The following LGR6 variants were observed in gnomAD, a reference collection of about 807,000 sequenced individuals.
LGR6 encodes the protein leucine-rich repeat-containing G protein-coupled receptor 6.
In LGR6, 45 loss-of-function variants were observed where a neutral mutation model predicts 69.4. The ratio of observed to expected loss-of-function variants is 0.65; its 90% CI spans 0.51 to 0.83. The LOEUF is 0.83. Among genes scored for constraint, LGR6 ranks in the 40% least tolerant of loss-of-function variants. The pLI is 0.00. For synonymous variants in LGR6, 538 were observed against 555.0 expected, an observed-to-expected ratio of 0.97 and a Z score of 0.43; for missense variants, 1,108 against 1,246.7, an observed-to-expected ratio of 0.89 and a Z score of 1.68.
chr1:202,249,805 A>C (rs1367588411), intron 4 of LGR6, among the ~76,000 whole-genome samples: 2 of 151,904 alleles, frequency 1.3e-5, no homozygotes, highest in East Asian at 3.9e-4. Context: ...CGCCATCATC[A>C]CTTGCCTGGG....
intron 12 of LGR6, 57 bp from the exon 13 acceptor site, chr1:202,306,811 T>G (rs774506844): frequency 2.0e-6 from 3 of 1,500,128 alleles, no homozygotes; most frequent in East Asian, 2.3e-5. Context: ...TCGGGGGGCA[T>G]GGAGCGGAGC....
In LGR6 at chr1:202,198,749, G is replaced by A. The variant is rs557785950; in HGVS notation, c.212+4548G>A. On this transcript the variant is annotated intron_variant, in intron 1 of 17. Transcript: ENST00000367278. Reference sequence around the variant, plus strand: ...GGGAGGGGAGCACCTGATGGAAGACGCCAGCATGCTCCCTTACATGGTCTA... The same window carrying A: ...GGGAGGGGAGCACCTGATGGAAGACACCAGCATGCTCCCTTACATGGTCTA... Among the ~76,000 whole-genome samples, 5 of 148,914 alleles carry A rather than the reference G, an allele frequency of 3.4e-5. No individual in the cohort carries two copies. In the East Asian group the frequency reaches 7.9e-4, roughly 24 times the overall value.
intron 15 of LGR6, among the ~76,000 whole-genome samples, chr1:202,309,735 G>A (rs1653562190): frequency 6.6e-6 from 1 of 152,226 alleles, no homozygotes; most frequent in Non-Finnish European, 1.5e-5. Flanking sequence ...GCTCCAATAT[G>A]CCCAGAGGTG....
intron 6 of LGR6, among the ~76,000 whole-genome samples, chr1:202,290,405 T>C (rs1197052897): frequency 2.0e-5 from 3 of 152,212 alleles, no homozygotes; most frequent in African/African-American, 7.2e-5. Context: ...CCATTTATCC[T>C]CTCTCCCTAA....
At chr1:202,231,842 C>T (rs1046936114) in intron 3 of LGR6, among the ~76,000 whole-genome samples, 1 of 152,094 alleles carries the variant, frequency 6.6e-6, no homozygotes, top group Non-Finnish European at 1.5e-5. Context: ...CCTGTAATCC[C>T]AGCACTCTGG....
chr1:202,205,669 A>G (rs1659182328), intron 1 of LGR6, among the ~76,000 whole-genome samples: 1 of 137,936 alleles, frequency 7.2e-6, no homozygotes, highest in Non-Finnish European at 1.5e-5. Flanking sequence ...CACCTCCCTC[A>G]AACATACACA....
At chr1:202,234,399 T>A (rs1661346644) in intron 3 of LGR6, among the ~76,000 whole-genome samples, 1 of 152,172 alleles carries the variant, frequency 6.6e-6, no homozygotes, top group Non-Finnish European at 1.5e-5. Context: ...TGAGGTTGGG[T>A]TCATATTTGA....
chr1:202,240,862 A>G (rs546261267), intron 4 of LGR6, among the ~76,000 whole-genome samples: 2 of 152,262 alleles, frequency 1.3e-5, no homozygotes, highest in East Asian at 3.9e-4. Context: ...CCAAGGGACT[A>G]TTGTGCCCCC....
At chr1:202,275,881 A>T (rs1665505483) in intron 4 of LGR6, among the ~76,000 whole-genome samples, 1 of 152,112 alleles carries the variant, frequency 6.6e-6, no homozygotes, top group Non-Finnish European at 1.5e-5. Context: ...GAAGCCCGGG[A>T]GTATGGATGT....
chr1:202,270,395 A>T (rs1664995832), intron 4 of LGR6, among the ~76,000 whole-genome samples: 1 of 152,114 alleles, frequency 6.6e-6, no homozygotes, highest in Non-Finnish European at 1.5e-5. Context: ...GGCGTGTGCC[A>T]CCACGCCCGT....
intron 1 of LGR6, among the ~76,000 whole-genome samples, chr1:202,209,901 A>G (rs1213308144): frequency 1.3e-5 from 2 of 152,180 alleles, no homozygotes; most frequent in African/African-American, 2.4e-5. Context: ...TCTCTACTCC[A>G]TCTCCTACAG....
At chr1:202,297,357 C>T (rs1667235796) in intron 6 of LGR6, 151 bp from the exon 7 acceptor site, 1 of 651,584 alleles carries the variant, frequency 1.5e-6, no homozygotes, top group African/African-American at 1.8e-5. Flanking sequence ...ATGAACATTC[C>T]AAAATGTGTT....
At position 202,194,197 on chromosome 1, in the gene LGR6, T is replaced by C; in HGVS notation, c.208T>C (p.Tyr70His). ...GGGGGACCTGGACCCCCTGACGGCT[T>C]ACCTGTGAGTACTGCCCGCCTGTCC... ...VPGDLDPLTA[Y>H]LDLSMNNLTE... Residue 70 changes from tyrosine to histidine, a missense_variant, in exon 1 of 18, where the codon TAC becomes CAC. Transcript: ENST00000367278. The C allele has an allele frequency of 6.4e-7, 1 of 1,552,662 alleles. No individual in the cohort carries two copies. The highest frequency in any genetic ancestry group is 8.6e-7 in the Non-Finnish European group (1 of 1,157,452).
chr1:202,204,232 C>T (rs200013984), intron 1 of LGR6, among the ~76,000 whole-genome samples: 2 of 142,676 alleles, frequency 1.4e-5, no homozygotes, highest in African/African-American at 5.2e-5. Flanking sequence ...CACACCTCCA[C>T]ACACACACAC....
rs1571797518 is a variant in LGR6, at chr1:202,194,444, G to A, written c.212+243G>A. On this transcript the variant is annotated intron_variant, in intron 1 of 17. Transcript: ENST00000367278. ...CTTCCCCATTGGCCTCCGTGCTTGTGGGCTGACTATGGGAGCCCAGGCTTG... is the reference window on the plus strand; with the variant it reads ...CTTCCCCATTGGCCTCCGTGCTTGTAGGCTGACTATGGGAGCCCAGGCTTG... 12 of 604,892 alleles carry A rather than the reference G, an allele frequency of 2.0e-5. No homozygotes were observed. In the East Asian group the frequency reaches 3.7e-4, roughly 19 times the overall value. The allele number at this position is 604,892 out of a possible 1,614,324, so 37.5% of individuals were successfully genotyped here.
chr1:202,257,693 A>G (rs140518730), intron 4 of LGR6, among the ~76,000 whole-genome samples: 2 of 152,126 alleles, frequency 1.3e-5, no homozygotes, highest in South Asian at 4.1e-4. Flanking sequence ...TATCCTTACC[A>G]TATAGGGCTA....
chr1:202,284,062 C>T (rs1453622972), intron 6 of LGR6, among the ~76,000 whole-genome samples: 1 of 152,190 alleles, frequency 6.6e-6, no homozygotes, highest in Non-Finnish European at 1.5e-5. Context: ...GTCATTTGGG[C>T]AGGGTTCAGG....
At chr1:202,229,116 G>A (rs186931327) in intron 3 of LGR6, among the ~76,000 whole-genome samples, 3 of 152,154 alleles carry the variant, frequency 2.0e-5, no homozygotes, top group African/African-American at 7.2e-5. Context: ...TGGCCCATGA[G>A]TTCCAGGCTT....
chr1:202,249,343 C>G (rs1466398425), intron 4 of LGR6, among the ~76,000 whole-genome samples: 1 of 152,140 alleles, frequency 6.6e-6, no homozygotes, highest in Non-Finnish European at 1.5e-5. Context: ...AGTCACTCCT[C>G]GATTCTCCTT....
Sources: gnomAD v4.1 joint callset for allele counts (sites outside exome capture counted in the v4.1 genomes callset) on GRCh38, gnomAD v4.1.1 for gene constraint, MANE v1.5 for transcripts, NCBI Gene and HGNC (gene_info 2026-07-23, HGNC 2026-07-21) for gene names.